Variants in THADA observed in about 807,000 individuals in gnomAD.
THADA encodes the protein tRNA (32-2'-O)-methyltransferase regulator THADA.
Under a neutral mutation model 219.8 loss-of-function variants are expected in THADA, and 213 were observed. The observed-to-expected ratio is 0.97, with a 90% CI of 0.87 to 1.09. The LOEUF (loss-of-function observed/expected upper bound fraction) is 1.09, where lower values mean the gene tolerates loss of function less well. THADA is among the 50% of genes least tolerant of loss of function. The pLI, the probability that THADA is intolerant of heterozygous loss-of-function variation, is 0.00. For missense variants in THADA, 2,956 were observed against 2,311.3 expected (o/e 1.28, Z -5.72); for synonymous variants, 1,018 against 828.9 (o/e 1.23, Z -3.92).
At chr2:43,415,812 A>C (rs1676881059) in intron 28 of THADA, among the ~76,000 whole-genome samples, 1 of 152,140 alleles carries the variant, frequency 6.6e-6, no homozygotes, top group African/African-American at 2.4e-5. Flanking sequence ...TCAACGGGGA[A>C]TTCTATCAGG....
chr2:43,578,465 T>C (rs757094124), intron 9 of THADA, 48 bp downstream of exon 9: 1 of 1,476,862 alleles, frequency 6.8e-7, no homozygotes, highest in South Asian at 1.2e-5. Context: ...TTTTTAAACA[T>C]ACCCTAACTC....
rs560139984 is a variant in THADA at position 43,333,919 on chromosome 2, C to T, written c.4343+10203G>A. Among the ~76,000 whole-genome samples the T allele has an allele frequency of 1.3e-5, 2 of 152,296 alleles. 1 individual carries two copies. The highest frequency in any genetic ancestry group is 4.1e-4 in the South Asian group (2 of 4,830). On this transcript the variant is annotated intron_variant, in intron 30 of 37. Transcript: ENST00000405975. ...TGGGAAAATGGAAGCAGACCTAAAA[C>T]CCAGTATTTCTGCCTGGGAAGTGTA...
At chr2:43,251,239 G>A (rs943559577) in intron 36 of THADA, among the ~76,000 whole-genome samples, 2 of 152,190 alleles carry the variant, frequency 1.3e-5, no homozygotes, top group Admixed American at 1.3e-4. Flanking sequence ...TCACAAAGCT[G>A]CAAAGAGAAA....
intron 21 of THADA, among the ~76,000 whole-genome samples, chr2:43,530,215 T>A (rs529921803): frequency 1.3e-5 from 2 of 152,304 alleles, no homozygotes; most frequent in South Asian, 2.1e-4. Flanking sequence ...CAGTTAGTTT[T>A]CCTGTAAAGA....
chr2:43,230,855 A>T lies in THADA; in HGVS notation c.*93T>A. 1 of 1,417,746 alleles carries T rather than the reference A, an allele frequency of 7.1e-7. No individual in the cohort carries two copies. 87.8% of individuals were successfully genotyped at this position (1,417,746 alleles called of 1,614,324 possible). ...CAGAAGTAGGGGAGGCATGAATGGGATAAAATTTTTGAATTTATGTTCAAC... is the reference window on the plus strand; with the variant it reads ...CAGAAGTAGGGGAGGCATGAATGGGTTAAAATTTTTGAATTTATGTTCAAC... On this transcript the variant is annotated 3_prime_UTR_variant, in exon 38 of 38. Transcript: ENST00000405975.
intron 2 of THADA, 119 bp from the exon 3 acceptor site, chr2:43,592,165 T>A: frequency 9.9e-7 from 1 of 1,011,088 alleles, no homozygotes. Context: ...GAACATAGTC[T>A]GAAGACAGAA....
intron 36 of THADA, among the ~76,000 whole-genome samples, chr2:43,275,702 T>C (rs1672655265): frequency 6.6e-6 from 1 of 152,238 alleles, no homozygotes; most frequent in African/African-American, 2.4e-5. Context: ...GGAAAGGCTA[T>C]GGAAGAACCC....
intron 36 of THADA, among the ~76,000 whole-genome samples, chr2:43,237,819 G>A (rs1468429660): frequency 2.0e-5 from 3 of 151,746 alleles, no homozygotes; most frequent in Non-Finnish European, 4.4e-5. Context: ...CAACACTAGA[G>A]AAACTGGGCT....
chr2:43,514,889 T>TAATATATA (rs1691137095), intron 22 of THADA, among the ~76,000 whole-genome samples: 1 of 67,956 alleles, frequency 1.5e-5, no homozygotes, highest in African/African-American at 6.6e-5. Flanking sequence ...ATGTATAATA[T>TAATATATA]ATATTTTATG....
intron 29 of THADA, among the ~76,000 whole-genome samples, chr2:43,346,100 C>A (rs371207903): frequency 6.6e-6 from 1 of 150,972 alleles, no homozygotes; most frequent in African/African-American, 2.4e-5. Context: ...AGAACTGTGG[C>A]GGAAATAAGC....
chr2:43,242,645 T>C (rs991845518), intron 36 of THADA, among the ~76,000 whole-genome samples: 1 of 152,154 alleles, frequency 6.6e-6, no homozygotes, highest in Non-Finnish European at 1.5e-5. Context: ...CACACCATCA[T>C]GCTTGGTTAA....
At position 43,349,557 on chromosome 2, in the gene THADA, G is replaced by A. The variant is rs116662680; in HGVS notation, c.4228-5320C>T. Among the ~76,000 whole-genome samples the A allele has an allele frequency of 9.2e-4, 140 of 152,298 alleles. 1 individual carries two copies. Among genetic ancestry groups the A allele is most frequent in the African/African-American group, 3.2e-3 (132 of 41,542 alleles). On this transcript the variant is annotated intron_variant, in intron 29 of 37. Coordinates refer to ENST00000405975, the MANE Select transcript of THADA (RefSeq NM_022065.5). ...TGGTTGTTTGGGAATGCAACGCTGA[G>A]ATGGGTTTTCCTCTTCACCAAGCAT...
chr2:43,373,729 C>T (rs1216031558), intron 29 of THADA, among the ~76,000 whole-genome samples: 4 of 152,084 alleles, frequency 2.6e-5, no homozygotes, highest in African/African-American at 2.4e-5. Context: ...CTGTCCACCT[C>T]GGCCTCCCAA....
At chr2:43,580,370 C>G (rs1700305391) in intron 8 of THADA, among the ~76,000 whole-genome samples, 1 of 151,864 alleles carries the variant, frequency 6.6e-6, no homozygotes, top group East Asian at 1.9e-4. Context: ...CATGTATTCT[C>G]TACATTTCAT....
At chr2:43,359,627 C>T (rs1669267351) in intron 29 of THADA, among the ~76,000 whole-genome samples, 1 of 152,134 alleles carries the variant, frequency 6.6e-6, no homozygotes, top group East Asian at 1.9e-4. Context: ...TTGCAGTGAG[C>T]GAAGATTGCG....
chr2:43,515,356 T>TA (rs1691570690), intron 22 of THADA, among the ~76,000 whole-genome samples: 1 of 46,412 alleles, frequency 2.2e-5, no homozygotes, highest in Non-Finnish European at 3.5e-5. Context: ...ATATTTTATA[T>TA]ATAATATATA....
intron 31 of THADA, 43 bp downstream of exon 31, chr2:43,320,403 G>C (rs778486727): frequency 4.1e-6 from 6 of 1,474,012 alleles, no homozygotes; most frequent in Non-Finnish European, 5.6e-6. Context: ...ACATTTCAAA[G>C]ATGTGTAACG....
intron 28 of THADA, among the ~76,000 whole-genome samples, chr2:43,425,904 G>A (rs1678368056): frequency 6.6e-6 from 1 of 152,168 alleles, no homozygotes; most frequent in South Asian, 2.1e-4. Flanking sequence ...AGTGATAGAT[G>A]TGCTCTTTCT....
At chr2:43,396,557 T>A (rs1258628276) in intron 29 of THADA, among the ~76,000 whole-genome samples, 1 of 152,194 alleles carries the variant, frequency 6.6e-6, no homozygotes, top group East Asian at 1.9e-4. Flanking sequence ...TCCCAGCACT[T>A]TGGGAGGCTG....
Sources: gnomAD v4.1 joint callset for allele counts (sites outside exome capture counted in the v4.1 genomes callset) on GRCh38, gnomAD v4.1.1 for gene constraint, MANE v1.5 for transcripts, NCBI Gene and HGNC (gene_info 2026-07-23, HGNC 2026-07-21) for gene names.